Variants in RAB15 observed in about 807,000 individuals in gnomAD.
RAB15 encodes ras-related protein Rab-15.
A neutral mutation model predicts 31.8 loss-of-function variants in RAB15; 13 were observed. The ratio of observed to expected loss-of-function variants is 0.41; its 90% CI spans 0.27 to 0.65. The LOEUF (loss-of-function observed/expected upper bound fraction) is 0.65. Ranked by LOEUF, RAB15 falls within the 30% of genes least tolerant of loss-of-function variation. The pLI is 0.32. For missense variants in RAB15, 220 were observed against 277.3 expected, an observed-to-expected ratio of 0.79 and a Z score of 1.47; for synonymous variants, 100 against 105.6, an observed-to-expected ratio of 0.95 and a Z score of 0.33.
intron 5 of RAB15, among the ~76,000 whole-genome samples, chr14:64,949,659 G>T (rs531149024): frequency 6.7e-6 from 1 of 149,942 alleles, no homozygotes; most frequent in Non-Finnish European, 1.5e-5. Context: ...GGAGGCAGAG[G>T]TTGCAGTGAG....
intron 1 of RAB15, among the ~76,000 whole-genome samples, chr14:64,967,995 T>C (rs1431592988): frequency 6.6e-6 from 1 of 152,058 alleles, no homozygotes; most frequent in Non-Finnish European, 1.5e-5. Context: ...TCAAAACCCC[T>C]CCTACCATTG....
intron 1 of RAB15, among the ~76,000 whole-genome samples, chr14:64,963,341 C>A (rs1886962574): frequency 6.6e-6 from 1 of 151,798 alleles, no homozygotes; most frequent in South Asian, 2.1e-4. Flanking sequence ...GCTGGGTCTT[C>A]CCCTTGCTTT....
Position 64,953,981 on chromosome 14 carries a change from T to C in RAB15, c.125-1410A>G. ...AGTTATTTGCCAAATGGGAGACATC[T>C]TCCCTTATCTGTGCTGTCCCCAGCT... On this transcript the variant is annotated intron_variant, in intron 1 of 6. Coordinates refer to ENST00000533601, the MANE Select transcript of RAB15 (RefSeq NM_001308154.2). The surrounding 1 kb of genome is among the most constrained non-coding windows in gnomAD (Gnocchi z 4.6). 1.0e-6 allele frequency: 1 copy of C among 985,436 alleles called. No individual in the cohort carries two copies. The highest frequency in any genetic ancestry group is 1.2e-6 in the Non-Finnish European group (1 of 829,928). 61.0% of individuals were successfully genotyped at this position (985,436 alleles called of 1,614,324 possible).
At position 64,954,380 on chromosome 14, in the gene RAB15, T is replaced by A. The variant is rs1886427087; in HGVS notation, c.125-1809A>T. 2.0e-6 allele frequency: 2 copies of A among 985,204 alleles called. No individual in the cohort carries two copies. Among genetic ancestry groups the A allele is most frequent in the South Asian group, 9.4e-5 (2 of 21,288 alleles). The allele number at this position is 985,204 out of a possible 1,614,324, so 61.0% of individuals were successfully genotyped here. ...ATAGAAGGGAATCAAGACATTCTTG[T>A]TTCATGATACAGCACCTTCTTCCAA... On this transcript the variant is annotated intron_variant, in intron 1 of 6. Transcript: ENST00000533601. The surrounding 1 kb of genome is among the most constrained non-coding windows in gnomAD (Gnocchi z 4.3).
chr14:64,965,964 G>T (rs574276818), intron 1 of RAB15, among the ~76,000 whole-genome samples: 1 of 152,288 alleles, frequency 6.6e-6, no homozygotes, highest in South Asian at 2.1e-4. Flanking sequence ...GTGTCAGGAG[G>T]AGAAACAGAG....
chr14:64,950,188 C>T lies in RAB15; in HGVS notation c.414+137G>A. ...ACAAGCCTTCCGAGGATGGCCACTCCCCCAGGGCCTTGGGGTGCTGGGGAC... is the reference window on the plus strand; with the variant it reads ...ACAAGCCTTCCGAGGATGGCCACTCTCCCAGGGCCTTGGGGTGCTGGGGAC... On this transcript the variant is annotated intron_variant, in intron 5 of 6. Coordinates refer to ENST00000533601, the MANE Select transcript of RAB15 (RefSeq NM_001308154.2). The surrounding 1 kb of genome is among the most constrained non-coding windows in gnomAD (Gnocchi z 5.6). 1.3e-6 allele frequency: 1 copy of T among 754,820 alleles called. No individual in the cohort carries two copies. The highest frequency in any genetic ancestry group is 2.4e-6 in the Non-Finnish European group (1 of 424,752). The allele number at this position is 754,820 out of a possible 1,614,324, so 46.8% of individuals were successfully genotyped here.
At chr14:64,956,241 T>G (rs1886556795) in intron 1 of RAB15, among the ~76,000 whole-genome samples, 1 of 151,766 alleles carries the variant, frequency 6.6e-6, no homozygotes, top group South Asian at 2.1e-4. Context: ...CCGTCTCTAC[T>G]AAAAATACAA....
At chr14:64,967,322 C>T (rs1487860592) in intron 1 of RAB15, among the ~76,000 whole-genome samples, 3 of 152,192 alleles carry the variant, frequency 2.0e-5, no homozygotes, top group Non-Finnish European at 2.9e-5. Context: ...AGTGAGGTAG[C>T]TCACGCCTAT....
rs1040691791 is a variant in RAB15, at chr14:64,972,320, C to T, written c.-244G>A. ...TCGGCTCGGCTCGGCTGGGCTGGCGCGAGGCGGTGGGAGGAGAAACCGGCG... is the reference window on the plus strand; with the variant it reads ...TCGGCTCGGCTCGGCTGGGCTGGCGTGAGGCGGTGGGAGGAGAAACCGGCG... On this transcript the variant is annotated 5_prime_UTR_variant, in exon 1 of 7. Coordinates refer to ENST00000533601, the MANE Select transcript of RAB15 (RefSeq NM_001308154.2). This position sits in a 1 kb window ranked among gnomAD's most constrained non-coding sequence, Gnocchi z 6.3. The T allele has an allele frequency of 1.3e-5, 2 of 151,204 alleles. No individual in the cohort carries two copies. The highest frequency in any genetic ancestry group is 6.7e-5 in the Admixed American group (1 of 14,910). 9.4% of individuals were successfully genotyped at this position (151,204 alleles called of 1,614,324 possible).
intron 1 of RAB15, among the ~76,000 whole-genome samples, chr14:64,960,165 A>G (rs941669901): frequency 6.6e-6 from 1 of 152,232 alleles, no homozygotes; most frequent in South Asian, 2.1e-4. Flanking sequence ...CTGGGAAGAC[A>G]GGCAGGGCCC....
chr14:64,971,904 A>AGGGGCCGCGGGCGGGGAGGGAGG lies in RAB15; in HGVS notation c.124+26_124+48dup. On this transcript the variant is annotated intron_variant, in intron 1 of 6. Transcript: ENST00000533601. The surrounding 1 kb of genome is among the most constrained non-coding windows in gnomAD (Gnocchi z 4.1). Reference sequence around the variant, plus strand: ...AGCTGGGGACGGGGGCGGCGGGGAAAGGGGCCGCGGGCGGGGAGGGAGGGG... The same window carrying AGGGGCCGCGGGCGGGGAGGGAGG: ...AGCTGGGGACGGGGGCGGCGGGGAAAGGGGCCGCGGGCGGGGAGGGAGGGGGGCCGCGGGCGGGGAGGGAGGGG... 2 of 1,421,126 alleles carry AGGGGCCGCGGGCGGGGAGGGAGG rather than the reference A, an allele frequency of 1.4e-6. No individual in the cohort carries two copies. The highest frequency in any genetic ancestry group is 1.9e-6 in the Non-Finnish European group (2 of 1,054,984). The allele number at this position is 1,421,126 out of a possible 1,614,324, so 88.0% of individuals were successfully genotyped here.
chr14:64,968,659 A>G lies in RAB15; in HGVS notation c.124+3294T>C, dbSNP rs1486625716. On this transcript the variant is annotated intron_variant, in intron 1 of 6. Transcript: ENST00000533601. The surrounding 1 kb of genome is among the most constrained non-coding windows in gnomAD (Gnocchi z 4.9). ...GTTTTTCCCTTTGTCTTGCCTCCCC[A>G]TCTAGGTTATGGGCTTCTGTGGGCA... Among the ~76,000 whole-genome samples, 1 of 152,086 alleles carries G rather than the reference A, an allele frequency of 6.6e-6. No individual in the cohort carries two copies. Among genetic ancestry groups the G allele is most frequent in the Non-Finnish European group, 1.5e-5 (1 of 68,016 alleles).
chr14:64,949,463 G>A (rs1886108993), intron 5 of RAB15, among the ~76,000 whole-genome samples: 1 of 152,196 alleles, frequency 6.6e-6, no homozygotes, highest in African/African-American at 2.4e-5. Flanking sequence ...GCTCACGCCT[G>A]TAATCCCAGC....
At position 64,948,260 on chromosome 14, in the gene RAB15, A is replaced by G. The variant is rs1886022673; in HGVS notation, c.*94T>C. 7.6e-7 allele frequency: 1 copy of G among 1,315,080 alleles called. No individual in the cohort carries two copies. Among genetic ancestry groups the G allele is most frequent in the East Asian group, 2.6e-5 (1 of 38,776 alleles). 81.5% of individuals were successfully genotyped at this position (1,315,080 alleles called of 1,614,324 possible). ...TGATACTCAATAGGGTCATCACACG[A>G]GAGGACAGCAGCAGGGCAAAGCCCC... On this transcript the variant is annotated 3_prime_UTR_variant, in exon 7 of 7. Transcript: ENST00000533601. The surrounding 1 kb of genome is among the most constrained non-coding windows in gnomAD (Gnocchi z 7.0).
chr14:64,948,761 GAGTC>G lies in RAB15; in HGVS notation c.415-32_415-29del. ...GCAAGAGAAGGACATTTCTGAAAGA[GAGTC>G]AGTAAGGCAGGGGAGGGGCCCATAC... On this transcript the variant is annotated intron_variant, in intron 5 of 6. Coordinates refer to ENST00000533601, the MANE Select transcript of RAB15 (RefSeq NM_001308154.2). This position sits in a 1 kb window ranked among gnomAD's most constrained non-coding sequence, Gnocchi z 7.0. 1.9e-6 allele frequency: 3 copies of G among 1,548,294 alleles called. No homozygotes were observed. Among genetic ancestry groups the G allele is most frequent in the African/African-American group, 1.3e-5 (1 of 74,432 alleles).
At position 64,948,332 on chromosome 14, in the gene RAB15, TGTGGG is replaced by T. The variant is rs1262212843; in HGVS notation, c.*17_*21del. 6.7e-7 allele frequency: 1 copy of T among 1,494,858 alleles called. No homozygotes were observed. The highest frequency in any genetic ancestry group is 1.4e-5 in the African/African-American group (1 of 71,766). 92.6% of individuals were successfully genotyped at this position (1,494,858 alleles called of 1,614,324 possible). A position where few individuals can be genotyped will look rare whatever the true frequency, so the allele number is the denominator to read the frequency against. On this transcript the variant is annotated 3_prime_UTR_variant, in exon 7 of 7. Transcript: ENST00000533601. The surrounding 1 kb of genome is among the most constrained non-coding windows in gnomAD (Gnocchi z 7.0). ...GCCTCCTGAGGGAAGAGGGGTGTCG[TGTGGG>T]GTGCCCCACACAGGACTCAGCACCA... is the stretch of plus-strand genomic sequence containing the variant.
At chr14:64,949,285 A>C (rs1005408265) in intron 5 of RAB15, among the ~76,000 whole-genome samples, 1 of 152,258 alleles carries the variant, frequency 6.6e-6, no homozygotes, top group African/African-American at 2.4e-5. Context: ...CTTTGCCTCT[A>C]CTTTCAAATT....
chr14:64,951,793 C>A lies in RAB15; in HGVS notation c.186-130G>T. 1 of 773,764 alleles carries A rather than the reference C, an allele frequency of 1.3e-6. No individual in the cohort carries two copies. The allele number at this position is 773,764 out of a possible 1,614,324, so 47.9% of individuals were successfully genotyped here. On this transcript the variant is annotated intron_variant, in intron 2 of 6. Coordinates refer to ENST00000533601, the MANE Select transcript of RAB15 (RefSeq NM_001308154.2). This position sits in a 1 kb window ranked among gnomAD's most constrained non-coding sequence, Gnocchi z 7.2. ...GTGAAAAACCAGGGATGCTTGGATCCCCACAGGGATCTGCAGTCAGAGGCC... is the reference window on the plus strand; with the variant it reads ...GTGAAAAACCAGGGATGCTTGGATCACCACAGGGATCTGCAGTCAGAGGCC...
At chr14:64,956,950 T>TTGA (rs1886608864) in intron 1 of RAB15, among the ~76,000 whole-genome samples, 2 of 146,876 alleles carry the variant, frequency 1.4e-5, no homozygotes, top group African/African-American at 2.5e-5. Flanking sequence ...TTTTTTTTTT[T>TTGA]GGGATGGAGT....
Sources: gnomAD v4.1 joint callset for allele counts (sites outside exome capture counted in the v4.1 genomes callset) on GRCh38, gnomAD v4.1.1 for gene constraint, Gnocchi (gnomAD v3.1) non-coding constraint, MANE v1.5 for transcripts, NCBI Gene and HGNC (gene_info 2026-07-23, HGNC 2026-07-21) for gene names.